VPS13A: variants seen among roughly 807,000 people sequenced by gnomAD.
VPS13A encodes intermembrane lipid transfer protein VPS13A.
A neutral mutation model predicts 390.9 loss-of-function variants in VPS13A; 264 were observed. The observed-to-expected ratio is 0.68, with a 90% CI of 0.61 to 0.75. VPS13A has a LOEUF of 0.75. Among genes scored for constraint, VPS13A ranks in the 30% least tolerant of loss-of-function variants. The pLI is 0.00. For missense variants in VPS13A, 3,409 were observed against 3,733.9 expected (o/e 0.91, Z 2.27); for synonymous variants, 1,231 against 1,227.1 (o/e 1.00, Z -0.07).
Position 77,274,315 on chromosome 9 carries a change from C to T in VPS13A, c.2512+951C>T, listed in dbSNP as rs142895746. 4.6e-3 allele frequency among the ~76,000 whole-genome samples: 692 copies of T among 151,562 alleles called. 4 individuals carry two copies. The highest frequency in any genetic ancestry group is 0.019 in the South Asian group (91 of 4,786). ...TGGTGCTGCACACCTGTAGTCCCGG[C>T]GACTCGGGAAGCTGAGGCAGGAGAA... On this transcript the variant is annotated intron_variant, in intron 24 of 71. Coordinates refer to ENST00000360280, the MANE Select transcript of VPS13A (RefSeq NM_033305.3).
chr9:77,289,047 T>G (rs943400923), intron 31 of VPS13A, among the ~76,000 whole-genome samples: 1 of 152,204 alleles, frequency 6.6e-6, no homozygotes, highest in African/African-American at 2.4e-5. Context: ...TAGGTTTGAA[T>G]GGTCTATCTT....
intron 23 of VPS13A, among the ~76,000 whole-genome samples, chr9:77,265,914 C>T (rs1038683501): frequency 2.6e-5 from 4 of 152,082 alleles, no homozygotes; most frequent in African/African-American, 9.7e-5. Context: ...TAGATCTTTC[C>T]CGCTTTCTCC....
At chr9:77,277,550 G>A (rs536504429) in intron 26 of VPS13A, among the ~76,000 whole-genome samples, 1 of 152,212 alleles carries the variant, frequency 6.6e-6, no homozygotes, top group Admixed American at 6.5e-5. Context: ...TAGTTTCACT[G>A]CCCTAAAAAT....
At chr9:77,222,167 A>C (rs756362528) in intron 13 of VPS13A, among the ~76,000 whole-genome samples, 2 of 152,012 alleles carry the variant, frequency 1.3e-5, no homozygotes, top group Non-Finnish European at 2.9e-5. Context: ...TTTTATTTTC[A>C]ATGTGGGAGA....
At chr9:77,339,972 A>G in intron 48 of VPS13A, 61 bp downstream of exon 48, 1 of 1,569,588 alleles carries the variant, frequency 6.4e-7, no homozygotes, top group Non-Finnish European at 8.7e-7. Context: ...TTTAGTTTTT[A>G]AAGTTCTGAG....
chr9:77,217,323 T>C (rs73464099), intron 10 of VPS13A, among the ~76,000 whole-genome samples: 2,173 of 152,312 alleles, frequency 0.014, 43 homozygotes, highest in African/African-American at 0.049. Context: ...TATTTAATTT[T>C]TTATTTGTAT....
intron 3 of VPS13A, among the ~76,000 whole-genome samples, chr9:77,203,797 A>G (rs1466786797): frequency 6.6e-6 from 1 of 152,156 alleles, no homozygotes; most frequent in Non-Finnish European, 1.5e-5. Context: ...CAATCTTATT[A>G]TTTCATTTTG....
chr9:77,303,935 T>C (rs1564710923), intron 34 of VPS13A, among the ~76,000 whole-genome samples: 1 of 152,112 alleles, frequency 6.6e-6, no homozygotes, highest in Non-Finnish European at 1.5e-5. Context: ...CAGGAGACAG[T>C]GGCCTTCCTC....
At chr9:77,313,357 C>G (rs1281432321) in intron 35 of VPS13A, among the ~76,000 whole-genome samples, 2 of 152,096 alleles carry the variant, frequency 1.3e-5, no homozygotes, top group African/African-American at 2.4e-5. Flanking sequence ...ATACACTTAT[C>G]AAATTTCATC....
intron 17 of VPS13A, among the ~76,000 whole-genome samples, chr9:77,233,417 C>T (rs7039912): frequency 0.2 from 30,430 of 151,768 alleles, 3,224 homozygotes; most frequent in Middle Eastern, 0.25. Context: ...TCCACTCTGA[C>T]ATGTATTATT....
chr9:77,403,275 A>T lies in VPS13A; in HGVS notation c.9229A>T (p.Thr3077Ser), dbSNP rs1234731799. 6.2e-7 allele frequency: 1 copy of T among 1,612,456 alleles called. No homozygotes were observed. Among genetic ancestry groups the T allele is most frequent in the Non-Finnish European group, 8.5e-7 (1 of 1,179,626 alleles). ...AAGATTTGCAAAATACAAATATTTT[A>T]CCCATGTCATGATCAATAAGACAGA... ...NGRFAKYKYFTHVMINKTDML... is the reference protein window; with the variant it reads ...NGRFAKYKYFSHVMINKTDML... Residue 3077 changes from threonine (T) to serine (S), a missense_variant, in exon 69 of 72, where the codon ACC (threonine) becomes TCC (serine). Physicochemically the swap from Thr to Ser is moderately conservative, Grantham distance 58 (BLOSUM62 1). Around this residue, in one of 5 missense-constraint regions of VPS13A, gnomAD observed 318 missense variants for 333.7 expected, o/e 0.95. Coordinates refer to ENST00000360280, the MANE Select transcript of VPS13A (RefSeq NM_033305.3).
chr9:77,235,135 A>C (rs1824071135), intron 17 of VPS13A, among the ~76,000 whole-genome samples: 2 of 152,226 alleles, frequency 1.3e-5, no homozygotes, highest in African/African-American at 4.8e-5. Context: ...TACAATTACA[A>C]CAGTTCTTTA....
chr9:77,293,661 AGTTCC>A (rs1827806882), intron 32 of VPS13A, among the ~76,000 whole-genome samples, 153 bp downstream of exon 32: 2 of 152,024 alleles, frequency 1.3e-5, no homozygotes, highest in Admixed American at 1.3e-4. Context: ...ATAAATGTGT[AGTTCC>A]TTATTTATAT....
rs186271305 is a variant in VPS13A at position 77,389,205 on chromosome 9, G to A, written c.9189+7118G>A. On this transcript the variant is annotated intron_variant, in intron 68 of 71. Transcript: ENST00000360280. ...GTTTTACTACGTATTTTTATAAGCA[G>A]CATTATTAACTTCTAAAGATTAAAA... is the stretch of plus-strand genomic sequence containing the variant. Among the ~76,000 whole-genome samples, 144 of 151,772 alleles carry A rather than the reference G, an allele frequency of 9.5e-4. 1 individual carries two copies. Among genetic ancestry groups the A allele is most frequent in the African/African-American group, 3.0e-3 (126 of 41,372 alleles).
intron 35 of VPS13A, 139 bp from the exon 36 acceptor site, chr9:77,313,853 G>A (rs546715573): frequency 1.0e-6 from 1 of 982,082 alleles, no homozygotes; most frequent in East Asian, 2.7e-5. Flanking sequence ...TTTTACATCT[G>A]AATTTTCTAA....
intron 61 of VPS13A, among the ~76,000 whole-genome samples, 192 bp from the exon 62 acceptor site, chr9:77,367,863 A>G (rs1363830388): frequency 6.6e-6 from 1 of 152,196 alleles, no homozygotes; most frequent in Non-Finnish European, 1.5e-5. Context: ...CTTTTATCAG[A>G]TTCTTAGAAG....
Position 77,321,791 on chromosome 9 carries a change from A to G in VPS13A, c.5830+45A>G, listed in dbSNP as rs530982567. The G allele has an allele frequency of 2.6e-5, 42 of 1,602,574 alleles. No individual in the cohort carries two copies. The African/African-American group carries it at 4.4e-4, about 17-fold the overall frequency. On this transcript the variant is annotated intron_variant, in intron 44 of 71. Coordinates refer to ENST00000360280, the MANE Select transcript of VPS13A (RefSeq NM_033305.3). ...CCTTCCTGGGGCTATTTTGTTTTAAATTACAATTTACATGTTATTTTACTC... is the reference window on the plus strand; with the variant it reads ...CCTTCCTGGGGCTATTTTGTTTTAAGTTACAATTTACATGTTATTTTACTC...
intron 15 of VPS13A, 60 bp from the exon 16 acceptor site, chr9:77,227,331 C>A: frequency 1.7e-6 from 2 of 1,177,648 alleles, no homozygotes; most frequent in Non-Finnish European, 2.5e-6. Flanking sequence ...AAGGCAGATA[C>A]ATTGTGTTAA....
intron 52 of VPS13A, among the ~76,000 whole-genome samples, chr9:77,348,820 A>G (rs1421039254): frequency 1.3e-5 from 2 of 152,164 alleles, no homozygotes; most frequent in African/African-American, 4.8e-5. Flanking sequence ...CTTTTCTTGG[A>G]ATTTTCATTG....
Sources: gnomAD v4.1 joint callset for allele counts (sites outside exome capture counted in the v4.1 genomes callset) on GRCh38, gnomAD v4.1.1 for gene constraint, gnomAD v4.1.1 regional missense constraint, MANE v1.5 for transcripts, NCBI Gene and HGNC (gene_info 2026-07-23, HGNC 2026-07-21) for gene names.